SIK3: variants seen among roughly 807,000 people sequenced by gnomAD.
SIK3 encodes the protein serine/threonine-protein kinase SIK3.
Under a neutral mutation model 144.2 loss-of-function variants are expected in SIK3, and 28 were observed. That is an observed-to-expected ratio of 0.19 (90% CI 0.14 to 0.27). SIK3 has a LOEUF of 0.27. Ranked by LOEUF, SIK3 falls within the 10% of genes least tolerant of loss-of-function variation. SIK3 has a pLI of 1.00. For missense variants in SIK3, 1,319 were observed against 1,776.0 expected (o/e 0.74, Z 4.62); for synonymous variants, 686 against 676.3 (o/e 1.01, Z -0.22).
intron 1 of SIK3, among the ~76,000 whole-genome samples, chr11:116,964,841 C>T (rs1024258167): frequency 4.0e-5 from 6 of 150,634 alleles, no homozygotes; most frequent in African/African-American, 9.8e-5. Context: ...GAGATGGCGC[C>T]GCTGCACTCC....
chr11:117,055,876 G>A (rs1953492802), intron 1 of SIK3, among the ~76,000 whole-genome samples: 1 of 152,252 alleles, frequency 6.6e-6, no homozygotes, highest in Admixed American at 6.5e-5. Flanking sequence ...TGAGGACACA[G>A]CATTCAAGGC....
At position 116,849,093 on chromosome 11, in the gene SIK3, T is replaced by G. The variant is rs1459686986; in HGVS notation, c.3819+27A>C. 1 of 1,558,016 alleles carries G rather than the reference T, an allele frequency of 6.4e-7. No individual in the cohort carries two copies. Among genetic ancestry groups the G allele is most frequent in the African/African-American group, 1.4e-5 (1 of 73,834 alleles). On this transcript the variant is annotated intron_variant, in intron 22 of 24. Transcript: ENST00000445177. This position sits in a 1 kb window ranked among gnomAD's most constrained non-coding sequence, Gnocchi z 4.2. ...AAGGCTGGGACTGGGAGGATCCACC[T>G]CTGTGCAGCAGGTGGGACCAACATA...
chr11:116,858,428 C>T lies in SIK3; in HGVS notation c.3037G>A (p.Val1013Ile), dbSNP rs774420514. ...AGCAGTCCTTGAAGGATGTGGGGTA[C>T]CTGCTGGTGTCTTGTATAGTCTGGC... Reference protein sequence around the residue: ...TPPDYTRHQQVPHILQGLLSP... With the variant: ...TPPDYTRHQQIPHILQGLLSP... Residue 1013 changes from valine (V) to isoleucine (I), a missense_variant, in exon 21 of 25, where the codon GTA (valine) becomes ATA (isoleucine). Physicochemically the swap from Val to Ile is conservative, Grantham distance 29. Transcript: ENST00000445177. The surrounding 1 kb of genome is among the most constrained non-coding windows in gnomAD (Gnocchi z 5.4). 5 of 1,610,372 alleles carry T rather than the reference C, an allele frequency of 3.1e-6. No homozygotes were observed. In the Admixed American group the frequency reaches 8.4e-5, roughly 27 times the overall value.
intron 1 of SIK3, among the ~76,000 whole-genome samples, chr11:117,008,924 C>T (rs1003894437): frequency 2.0e-5 from 3 of 152,028 alleles, no homozygotes; most frequent in Non-Finnish European, 4.4e-5. Flanking sequence ...ACATAGATAA[C>T]AGTTGGTGAT....
In SIK3 at chr11:116,856,016, T is replaced by C. The variant is rs1942884056; in HGVS notation, c.3655+1794A>G. Among the ~76,000 whole-genome samples the C allele has an allele frequency of 2.0e-5, 3 of 152,038 alleles. No homozygotes were observed. The South Asian group carries it at 6.2e-4, about 32-fold the overall frequency. On this transcript the variant is annotated intron_variant, in intron 21 of 24. Coordinates refer to ENST00000445177, the MANE Select transcript of SIK3 (RefSeq NM_001366686.3). ...ATCGAGACCATCCTGGCTAACACGG[T>C]GAAACCCTGTCTCTACTAAAAATAC...
intron 6 of SIK3, among the ~76,000 whole-genome samples, chr11:116,885,852 A>G (rs1431930263): frequency 6.6e-6 from 1 of 152,204 alleles, no homozygotes; most frequent in Non-Finnish European, 1.5e-5. Flanking sequence ...ATCATGCCTC[A>G]GTTTTCTTAT....
intron 1 of SIK3, among the ~76,000 whole-genome samples, chr11:116,980,563 C>G (rs1419636688): frequency 1.3e-5 from 2 of 152,140 alleles, no homozygotes; most frequent in African/African-American, 4.8e-5. Flanking sequence ...GTTGAAAAAT[C>G]ATAATCAGGT....
chr11:116,979,201 G>A (rs1193670414), intron 1 of SIK3, among the ~76,000 whole-genome samples: 9 of 152,150 alleles, frequency 5.9e-5, no homozygotes, highest in Non-Finnish European at 1.2e-4. Context: ...GAAAGGAGAC[G>A]AGCAGGAGAT....
At chr11:117,018,530 T>C (rs2135725623) in intron 1 of SIK3, among the ~76,000 whole-genome samples, 1 of 152,188 alleles carries the variant, frequency 6.6e-6, no homozygotes, top group South Asian at 2.1e-4. Context: ...TGAGATGCTT[T>C]AGGTGTAACA....
chr11:116,885,280 T>A (rs1591466513), intron 6 of SIK3, among the ~76,000 whole-genome samples: 1 of 152,198 alleles, frequency 6.6e-6, no homozygotes, highest in African/African-American at 2.4e-5. Flanking sequence ...GCTTTTCTCT[T>A]CAGTTTTACC....
chr11:117,024,790 A>G lies in SIK3; in HGVS notation c.274-67726T>C, dbSNP rs536344551. 6.6e-5 allele frequency among the ~76,000 whole-genome samples: 10 copies of G among 152,194 alleles called. No individual in the cohort carries two copies. In the South Asian group the frequency reaches 2.1e-3, roughly 32 times the overall value. ...GTGGCATGTGCCTGTAGTCCCAGCT[A>G]CTTAGCAGGCTGAGGTGGGAGGATC... On this transcript the variant is annotated intron_variant, in intron 1 of 24. Coordinates refer to ENST00000445177, the MANE Select transcript of SIK3 (RefSeq NM_001366686.3).
intron 3 of SIK3, among the ~76,000 whole-genome samples, chr11:116,930,985 A>AG (rs1165951542): frequency 6.6e-6 from 1 of 152,214 alleles, no homozygotes; most frequent in Non-Finnish European, 1.5e-5. Context: ...AGGAAAAAAA[A>AG]TGGTTCTCCT....
rs1941838317 is a variant in SIK3 at position 116,844,984 on chromosome 11, T to C, written c.*659A>G. On this transcript the variant is annotated 3_prime_UTR_variant, in exon 25 of 25. Transcript: ENST00000445177. Reference sequence around the variant, plus strand: ...TATGATCTTGGCTAGGACAGACATGTTTTCCGTGGATCCCAGCAGTAAAGA... The same window carrying C: ...TATGATCTTGGCTAGGACAGACATGCTTTCCGTGGATCCCAGCAGTAAAGA... 1 of 152,068 alleles carries C rather than the reference T, an allele frequency of 6.6e-6. No individual in the cohort carries two copies. The highest frequency in any genetic ancestry group is 2.1e-4 in the South Asian group (1 of 4,820). The allele number at this position is 152,068 out of a possible 1,614,324, so 9.4% of individuals were successfully genotyped here. A position where few individuals can be genotyped will look rare whatever the true frequency, so the allele number is the denominator to read the frequency against.
intron 1 of SIK3, among the ~76,000 whole-genome samples, chr11:117,055,699 C>T (rs894110650): frequency 1.3e-5 from 2 of 152,324 alleles, no homozygotes; most frequent in South Asian, 2.1e-4. Flanking sequence ...TGAATGTCTC[C>T]GCCTCTAAAA....
intron 1 of SIK3, among the ~76,000 whole-genome samples, chr11:117,011,077 G>C (rs761337063): frequency 6.6e-6 from 1 of 152,118 alleles, no homozygotes; most frequent in African/African-American, 2.4e-5. Flanking sequence ...CCAAGATTGC[G>C]CCACTGCACT....
At chr11:116,901,485 ATCATTATAGCT>A (rs1471430046) in intron 4 of SIK3, among the ~76,000 whole-genome samples, 5 of 152,178 alleles carry the variant, frequency 3.3e-5, no homozygotes, top group African/African-American at 4.8e-5. Context: ...CACAAATAGA[ATCATTATAGCT>A]TCTTCTATGA....
chr11:116,978,082 G>A (rs957449898), intron 1 of SIK3, among the ~76,000 whole-genome samples: 1 of 152,120 alleles, frequency 6.6e-6, no homozygotes, highest in Non-Finnish European at 1.5e-5. Context: ...GCTGGGCATG[G>A]TGGCATGCAC....
intron 4 of SIK3, among the ~76,000 whole-genome samples, chr11:116,916,140 A>C (rs965083708): frequency 6.6e-6 from 1 of 152,218 alleles, no homozygotes; most frequent in Non-Finnish European, 1.5e-5. Context: ...TTCAGAAGTC[A>C]CTGGCTGGGA....
At chr11:116,887,036 G>A (rs1944856700) in intron 6 of SIK3, among the ~76,000 whole-genome samples, 2 of 152,174 alleles carry the variant, frequency 1.3e-5, no homozygotes, top group African/African-American at 4.8e-5. Flanking sequence ...AAACTCTACA[G>A]TAGATCAAAA....
Sources: gnomAD v4.1 joint callset for allele counts (sites outside exome capture counted in the v4.1 genomes callset) on GRCh38, gnomAD v4.1.1 for gene constraint, Gnocchi (gnomAD v3.1) non-coding constraint, MANE v1.5 for transcripts, NCBI Gene and HGNC (gene_info 2026-07-23, HGNC 2026-07-21) for gene names.